DOCK3: variants seen among roughly 807,000 people sequenced by gnomAD.
The protein encoded by DOCK3 is dedicator of cytokinesis 3.
DOCK3 carries 60 observed loss-of-function variants against 265.6 expected under a neutral mutation model. The ratio of observed to expected loss-of-function variants is 0.23; its 90% CI spans 0.18 to 0.28. The LOEUF is 0.28. Among genes scored for constraint, DOCK3 ranks in the 10% least tolerant of loss-of-function variants. The pLI, the probability that DOCK3 is intolerant of heterozygous loss-of-function variation, is 1.00. For missense variants in DOCK3, 1,981 were observed against 2,594.3 expected, an observed-to-expected ratio of 0.76 and a Z score of 5.14; for synonymous variants, 881 against 938.0, an observed-to-expected ratio of 0.94 and a Z score of 1.11.
At chr3:50,984,098 C>T (rs907226630) in intron 5 of DOCK3, among the ~76,000 whole-genome samples, 3 of 151,836 alleles carry the variant, frequency 2.0e-5, no homozygotes, top group Non-Finnish European at 4.4e-5. Flanking sequence ...CCTTGCCACT[C>T]CATGCCTTAC....
At chr3:51,371,540 T>C (rs892079129) in intron 49 of DOCK3, among the ~76,000 whole-genome samples, 16 of 152,220 alleles carry the variant, frequency 1.1e-4, no homozygotes, top group Admixed American at 8.5e-4. Context: ...TACTTTCAAA[T>C]GTATGTAATA....
intron 2 of DOCK3, among the ~76,000 whole-genome samples, chr3:50,824,678 G>A (rs562749405): frequency 6.6e-6 from 1 of 152,214 alleles, no homozygotes; most frequent in East Asian, 1.9e-4. Flanking sequence ...TCTATTTCTA[G>A]CTCTGTTTTA....
chr3:50,702,458 A>C lies in DOCK3; in HGVS notation c.37+27158A>C, dbSNP rs9847649. Among the ~76,000 whole-genome samples, 421 of 152,038 alleles carry C rather than the reference A, an allele frequency of 2.8e-3. 2 individuals are homozygous for C. The highest frequency in any genetic ancestry group is 9.7e-3 in the African/African-American group (401 of 41,494). ...GGCACACTGCAACCTCCGCCTGCTGAGTTCAAGCGATTCTCCTGCCTCAGC... is the reference window on the plus strand; with the variant it reads ...GGCACACTGCAACCTCCGCCTGCTGCGTTCAAGCGATTCTCCTGCCTCAGC... On this transcript the variant is annotated intron_variant, in intron 1 of 52. Coordinates refer to ENST00000266037, the MANE Select transcript of DOCK3 (RefSeq NM_004947.5).
chr3:51,031,175 T>C (rs2080033945), intron 5 of DOCK3, among the ~76,000 whole-genome samples: 1 of 152,224 alleles, frequency 6.6e-6, no homozygotes, highest in African/African-American at 2.4e-5. Context: ...TCATCCTTTT[T>C]TGATCAGCTA....
Position 51,261,741 on chromosome 3 carries a change from C to G in DOCK3, c.2355+1415C>G, listed in dbSNP as rs1301609673. On this transcript the variant is annotated intron_variant, in intron 23 of 52. Transcript: ENST00000266037. Reference sequence around the variant, plus strand: ...GCTTGGTCAGGGGAGGAGCATCCACCATTACAGAGGCTTGAGTAGGCAGTT... The same window carrying G: ...GCTTGGTCAGGGGAGGAGCATCCACGATTACAGAGGCTTGAGTAGGCAGTT... Among the ~76,000 whole-genome samples, 4 of 152,170 alleles carry G rather than the reference C, an allele frequency of 2.6e-5. No homozygotes were observed. In the East Asian group the frequency reaches 7.7e-4, roughly 29 times the overall value.
intron 3 of DOCK3, among the ~76,000 whole-genome samples, chr3:50,860,514 T>G (rs2046859493): frequency 6.6e-6 from 1 of 152,228 alleles, no homozygotes. Context: ...AACTGGCTGC[T>G]GGCCCAAAGC....
intron 7 of DOCK3, among the ~76,000 whole-genome samples, chr3:51,088,994 C>T (rs2082533491): frequency 6.6e-6 from 1 of 152,186 alleles, no homozygotes; most frequent in Non-Finnish European, 1.5e-5. Flanking sequence ...TTAGTCAGAT[C>T]TGGAAGGGCT....
intron 2 of DOCK3, among the ~76,000 whole-genome samples, chr3:50,835,056 G>A (rs1394198886): frequency 6.6e-6 from 1 of 152,164 alleles, no homozygotes; most frequent in Admixed American, 6.5e-5. Flanking sequence ...AGGCAGATTA[G>A]TGCTCTGAGA....
chr3:50,903,119 A>G (rs147006044), intron 4 of DOCK3, among the ~76,000 whole-genome samples: 3 of 152,356 alleles, frequency 2.0e-5, no homozygotes, highest in Non-Finnish European at 4.4e-5. Context: ...ATCTGCAAAC[A>G]AAGTTAATTT....
intron 12 of DOCK3, among the ~76,000 whole-genome samples, chr3:51,195,051 T>A (rs1309026522): frequency 3.3e-5 from 5 of 152,104 alleles, no homozygotes; most frequent in Non-Finnish European, 7.4e-5. Flanking sequence ...GGTCTCGATC[T>A]CTTGACCTCA....
At chr3:50,752,794 C>T (rs2039918981) in intron 1 of DOCK3, among the ~76,000 whole-genome samples, 1 of 151,894 alleles carries the variant, frequency 6.6e-6, no homozygotes, top group African/African-American at 2.4e-5. Flanking sequence ...CAAACAAACA[C>T]CCCTACTTAT....
At chr3:51,170,152 G>T (rs1240268152) in intron 12 of DOCK3, among the ~76,000 whole-genome samples, 1 of 152,104 alleles carries the variant, frequency 6.6e-6, no homozygotes, top group Non-Finnish European at 1.5e-5. Context: ...TCCAACATCT[G>T]AAAAAATTAA....
At chr3:50,691,327 G>A (rs557954686) in intron 1 of DOCK3, among the ~76,000 whole-genome samples, 1 of 150,188 alleles carries the variant, frequency 6.7e-6, no homozygotes, top group African/African-American at 2.4e-5. Context: ...TTGTCCTTTT[G>A]TGTCTGGCAT....
At chr3:51,363,333 A>G (rs1201641984) in intron 49 of DOCK3, among the ~76,000 whole-genome samples, 10 of 152,224 alleles carry the variant, frequency 6.6e-5, no homozygotes, top group Admixed American at 4.6e-4. Context: ...GCTGTGGTAC[A>G]TAGGATCTAG....
At chr3:50,991,107 G>A (rs918463521) in intron 5 of DOCK3, among the ~76,000 whole-genome samples, 1 of 152,134 alleles carries the variant, frequency 6.6e-6, no homozygotes, top group Non-Finnish European at 1.5e-5. Context: ...ATCTTGAAAG[G>A]AGCACTAAAT....
chr3:50,948,403 T>TC (rs1384776954), intron 5 of DOCK3, among the ~76,000 whole-genome samples: 3 of 138,990 alleles, frequency 2.2e-5, no homozygotes, highest in Non-Finnish European at 4.7e-5. Context: ...GTTTTAATCT[T>TC]TTTTTTTTTT....
At chr3:51,091,385 A>G (rs2082629582) in intron 9 of DOCK3, among the ~76,000 whole-genome samples, 1 of 152,074 alleles carries the variant, frequency 6.6e-6, no homozygotes, top group African/African-American at 2.4e-5. Context: ...AACAGATAAA[A>G]CTATTCCATT....
intron 2 of DOCK3, among the ~76,000 whole-genome samples, chr3:50,839,372 G>A (rs2609014): frequency 0.94 from 143,546 of 152,238 alleles, 68,303 homozygotes; most frequent in East Asian, 1. Context: ...TTACTCAATC[G>A]TATGGTAACA....
intron 2 of DOCK3, among the ~76,000 whole-genome samples, chr3:50,815,619 ATT>A (rs34790456): frequency 6.8e-6 from 1 of 146,474 alleles, no homozygotes; most frequent in Non-Finnish European, 1.5e-5. Context: ...ACGGAAGGCA[ATT>A]TTTTTTTTTT....
Sources: allele counts gnomAD v4.1 joint callset (sites outside exome capture counted in the v4.1 genomes callset), GRCh38; gene constraint gnomAD v4.1.1; transcripts MANE v1.5; gene names NCBI Gene and HGNC (gene_info 2026-07-23, HGNC 2026-07-21).